STX8: variants seen among roughly 807,000 people sequenced by gnomAD.
STX8 encodes the protein syntaxin 8.
STX8 carries 23 observed loss-of-function variants against 37.5 expected under a neutral mutation model. That is an observed-to-expected ratio of 0.61 (90% CI 0.44 to 0.87). STX8 has a LOEUF of 0.87. Among genes scored for constraint, STX8 ranks in the 40% least tolerant of loss-of-function variants. The probability of loss-of-function intolerance (pLI) is 0.00; values close to 1 mark genes in which losing one functional copy is unlikely to be tolerated. For missense variants in STX8, 313 were observed against 284.7 expected, an observed-to-expected ratio of 1.10 and a Z score of -0.71; for synonymous variants, 115 against 99.1, an observed-to-expected ratio of 1.16 and a Z score of -0.95.
intron 7 of STX8, among the ~76,000 whole-genome samples, chr17:9,337,662 C>T (rs761218875): frequency 2.6e-5 from 4 of 152,198 alleles, no homozygotes; most frequent in Non-Finnish European, 4.4e-5. Flanking sequence ...CCACTGTGCC[C>T]GGCCAGAACC....
At chr17:9,458,796 G>A (rs1905263045) in intron 6 of STX8, among the ~76,000 whole-genome samples, 1 of 151,616 alleles carries the variant, frequency 6.6e-6, no homozygotes, top group South Asian at 2.1e-4. Context: ...GCCAGGGTCT[G>A]ATCAGGCGAC....
intron 7 of STX8, among the ~76,000 whole-genome samples, chr17:9,364,106 C>A (rs1188058231): frequency 6.6e-6 from 1 of 152,104 alleles, no homozygotes; most frequent in African/African-American, 2.4e-5. Flanking sequence ...ATATTCTGAC[C>A]ACAAACACTT....
intron 6 of STX8, among the ~76,000 whole-genome samples, chr17:9,423,104 T>C (rs1446979256): frequency 1.3e-5 from 2 of 152,296 alleles, no homozygotes; most frequent in South Asian, 2.1e-4. Flanking sequence ...TAAGTGCATA[T>C]ATACATATCT....
intron 7 of STX8, among the ~76,000 whole-genome samples, chr17:9,360,744 C>T (rs79190892): frequency 2.0e-5 from 3 of 149,970 alleles, no homozygotes; most frequent in Non-Finnish European, 4.4e-5. Flanking sequence ...AAGAGAAATA[C>T]GGGCTGTTTC....
chr17:9,525,052 AC>A (rs1242965999), intron 4 of STX8, among the ~76,000 whole-genome samples: 1 of 151,638 alleles, frequency 6.6e-6, no homozygotes, highest in Admixed American at 6.6e-5. Context: ...CAAGTGATCC[AC>A]CCACCTTGAC....
intron 4 of STX8, among the ~76,000 whole-genome samples, chr17:9,541,389 G>A (rs1221633781): frequency 1.3e-5 from 2 of 152,160 alleles, no homozygotes; most frequent in Non-Finnish European, 2.9e-5. Flanking sequence ...GGCAGGGCAC[G>A]AGGGACAGAA....
chr17:9,487,896 G>A (rs184236849), intron 6 of STX8, among the ~76,000 whole-genome samples: 259 of 152,284 alleles, frequency 1.7e-3, no homozygotes, highest in Admixed American at 2.6e-3. Context: ...AAAGTACAGC[G>A]CTAAATACAT....
intron 6 of STX8, chr17:9,469,632 GA>G (rs1905763849): frequency 6.6e-6 from 1 of 152,036 alleles, no homozygotes; most frequent in African/African-American, 2.4e-5. Context: ...TTTCTGGCAA[GA>G]AAAAAGTACC....
chr17:9,343,781 C>G (rs527587500), intron 7 of STX8, among the ~76,000 whole-genome samples: 1 of 152,084 alleles, frequency 6.6e-6, no homozygotes, highest in East Asian at 1.9e-4. Flanking sequence ...CCCCATCTGC[C>G]GGATAGGGCC....
chr17:9,369,257 A>G (rs895886583), intron 7 of STX8, among the ~76,000 whole-genome samples: 1 of 152,188 alleles, frequency 6.6e-6, no homozygotes, highest in Non-Finnish European at 1.5e-5. Context: ...CTCCATTGAT[A>G]CTGAATTAAG....
intron 7 of STX8, among the ~76,000 whole-genome samples, chr17:9,352,625 G>A (rs941501568): frequency 1.3e-5 from 2 of 150,378 alleles, no homozygotes; most frequent in Non-Finnish European, 3.0e-5. Context: ...TCAGCCTCCC[G>A]AGTAGCTGGG....
chr17:9,548,695 C>T (rs1447239487), intron 3 of STX8, among the ~76,000 whole-genome samples: 1 of 151,988 alleles, frequency 6.6e-6, no homozygotes, highest in Non-Finnish European at 1.5e-5. Context: ...CATTTTTGAG[C>T]ACTTACTAAG....
intron 6 of STX8, among the ~76,000 whole-genome samples, chr17:9,427,894 G>C (rs1300000162): frequency 6.6e-6 from 1 of 152,306 alleles, no homozygotes; most frequent in East Asian, 1.9e-4. Flanking sequence ...GCTGAAGGCT[G>C]TAACTCTACT....
intron 7 of STX8, among the ~76,000 whole-genome samples, chr17:9,264,807 A>G (rs927442986): frequency 6.6e-6 from 1 of 152,162 alleles, no homozygotes; most frequent in Non-Finnish European, 1.5e-5. Flanking sequence ...GTAACTTCGG[A>G]AAGTAAAGAA....
At chr17:9,465,366 A>G (rs9893164) in intron 6 of STX8, among the ~76,000 whole-genome samples, 46,842 of 151,998 alleles carry the variant, frequency 0.31, 8,131 homozygotes, top group East Asian at 0.72. Flanking sequence ...TCCTGGCTTC[A>G]TGTCTACGTT....
chr17:9,502,903 G>C (rs1392357679), intron 5 of STX8, among the ~76,000 whole-genome samples: 1 of 151,940 alleles, frequency 6.6e-6, no homozygotes, highest in Non-Finnish European at 1.5e-5. Flanking sequence ...AGGAGTTCGA[G>C]ACCAGCCTGG....
At chr17:9,281,134 G>C (rs564372944) in intron 7 of STX8, among the ~76,000 whole-genome samples, 2 of 152,274 alleles carry the variant, frequency 1.3e-5, no homozygotes, top group African/African-American at 4.8e-5. Flanking sequence ...ACTTCAACGT[G>C]GAGAATGGAC....
At chr17:9,306,544 G>A (rs986627002) in intron 7 of STX8, among the ~76,000 whole-genome samples, 1 of 145,202 alleles carries the variant, frequency 6.9e-6, no homozygotes, top group East Asian at 2.1e-4. Flanking sequence ...AAGGTCAGGA[G>A]TTCAAGACCA....
chr17:9,443,372 G>T (rs1482085277), intron 6 of STX8, among the ~76,000 whole-genome samples: 1 of 152,126 alleles, frequency 6.6e-6, no homozygotes, highest in African/African-American at 2.4e-5. Context: ...ATATGTAAGG[G>T]AGAGCACAAA....
Sources: allele counts gnomAD v4.1 joint callset (sites outside exome capture counted in the v4.1 genomes callset), GRCh38; gene constraint gnomAD v4.1.1; transcripts MANE v1.5; gene names NCBI Gene and HGNC (gene_info 2026-07-23, HGNC 2026-07-21).